The following TUBGCP3 variants were observed in gnomAD, a reference collection of about 807,000 sequenced individuals.
The protein encoded by TUBGCP3 is gamma-tubulin complex component 3.
A neutral mutation model predicts 123.1 loss-of-function variants in TUBGCP3; 50 were observed. The observed-to-expected ratio is 0.41, with a 90% CI of 0.32 to 0.51. The LOEUF (loss-of-function observed/expected upper bound fraction) is 0.51, where lower values mean the gene tolerates loss of function less well. TUBGCP3 is among the 20% of genes least tolerant of loss of function. The pLI, the probability that TUBGCP3 is intolerant of heterozygous loss-of-function variation, is 0.36. For missense variants in TUBGCP3, 882 were observed against 1,127.0 expected (o/e 0.78, Z 3.11); for synonymous variants, 405 against 413.9 (o/e 0.98, Z 0.26).
intron 20 of TUBGCP3, among the ~76,000 whole-genome samples, chr13:112,498,238 G>A (rs1037889718): frequency 6.6e-6 from 1 of 152,148 alleles, no homozygotes; most frequent in Admixed American, 6.6e-5. Flanking sequence ...TTGGGGTACA[G>A]GTTGAGTATC....
upstream of TUBGCP3, among the ~76,000 whole-genome samples, chr13:112,590,562 A>T (rs1167920066): frequency 6.6e-6 from 1 of 152,030 alleles, no homozygotes; most frequent in Non-Finnish European, 1.5e-5. Context: ...GTATTTTCTC[A>T]TGGGTAGAAG....
At position 112,516,494 on chromosome 13, in the gene TUBGCP3, T is replaced by C. The variant is rs368042705; in HGVS notation, c.2032A>G (p.Thr678Ala). 9.9e-6 allele frequency: 16 copies of C among 1,613,750 alleles called. No homozygotes were observed. Among genetic ancestry groups the C allele is most frequent in the African/African-American group, 1.3e-5 (1 of 74,910 alleles). The change falls in exon 17 of 22, where the codon ACT becomes GCT. Residue 678 changes from threonine to alanine, a missense_variant. Transcript: ENST00000261965. Reference protein sequence around the residue: ...WRAKRMEYILTDIRKGHMCNA... With the variant: ...WRAKRMEYILADIRKGHMCNA... The stretch of plus-strand genomic sequence containing the variant: ...CACATGTGTCCCTTCCGTATGTCAG[T>C]GAGGATGTATTCCATCCGCTTCGCC...
At chr13:112,529,652 C>T (rs1008139721) in intron 11 of TUBGCP3, among the ~76,000 whole-genome samples, 2 of 152,166 alleles carry the variant, frequency 1.3e-5, no homozygotes, top group African/African-American at 4.8e-5. Context: ...TCTGTCTCTC[C>T]CAATACCTAG....
rs116524292 is a variant in TUBGCP3, at chr13:112,531,446, G to A, written c.1336-3962C>T. On this transcript the variant is annotated intron_variant, in intron 11 of 21. Coordinates refer to ENST00000261965, the MANE Select transcript of TUBGCP3 (RefSeq NM_006322.6). The stretch of plus-strand genomic sequence containing the variant: ...AAATAAGCCCCCGTTGAGTAATCTC[G>A]GCAGTGACGAAGTCACCGCGCTCAT... 5.7e-3 allele frequency among the ~76,000 whole-genome samples: 870 copies of A among 152,192 alleles called. 7 individuals are homozygous for A. The highest frequency in any genetic ancestry group is 0.02 in the African/African-American group (827 of 41,518).
chr13:112,489,522 G>A, intron 21 of TUBGCP3, 59 bp downstream of exon 21: 1 of 1,213,730 alleles, frequency 8.2e-7, no homozygotes, highest in South Asian at 1.2e-5. Flanking sequence ...GAAAGCAACT[G>A]TCAGGTACAG....
the TUBGCP3 span, among the ~76,000 whole-genome samples, chr13:112,600,477 A>C: frequency 6.6e-6 from 1 of 152,208 alleles, no homozygotes; most frequent in East Asian, 1.9e-4. Flanking sequence ...CAACGGATTG[A>C]AACTTGAACC....
chr13:112,589,967 T>C (rs1387314910), upstream of TUBGCP3, among the ~76,000 whole-genome samples: 1 of 151,990 alleles, frequency 6.6e-6, no homozygotes, highest in Non-Finnish European at 1.5e-5. Flanking sequence ...TACTCATACT[T>C]CCAACTAAGT....
At chr13:112,559,745 C>T (rs1880344142) in intron 3 of TUBGCP3, among the ~76,000 whole-genome samples, 1 of 152,152 alleles carries the variant, frequency 6.6e-6, no homozygotes, top group African/African-American at 2.4e-5. Flanking sequence ...GAGACAAAGC[C>T]ATCATAAAAA....
intron 11 of TUBGCP3, among the ~76,000 whole-genome samples, chr13:112,529,561 T>G (rs2139101386): frequency 6.6e-6 from 1 of 152,286 alleles, no homozygotes; most frequent in Admixed American, 6.5e-5. Context: ...GGGAGCCTCT[T>G]CAAGCCGCTC....
intron 11 of TUBGCP3, among the ~76,000 whole-genome samples, chr13:112,529,730 G>C (rs1336473954): frequency 1.3e-5 from 2 of 152,196 alleles, no homozygotes; most frequent in Non-Finnish European, 2.9e-5. Context: ...CATGACCTCA[G>C]CACTTGGCAG....
At position 112,528,444 on chromosome 13, in the gene TUBGCP3, T is replaced by C. The variant is rs1877309600; in HGVS notation, c.1336-960A>G. 3.9e-5 allele frequency among the ~76,000 whole-genome samples: 6 copies of C among 152,214 alleles called. No homozygotes were observed. The South Asian group carries it at 1.0e-3, about 26-fold the overall frequency. ...GTCAGGTGGAATCATGGTTATCCTATATTGCTGTCATTAACCAAAAATGAA... is the reference window on the plus strand; with the variant it reads ...GTCAGGTGGAATCATGGTTATCCTACATTGCTGTCATTAACCAAAAATGAA... On this transcript the variant is annotated intron_variant, in intron 11 of 21. Transcript: ENST00000261965.
At chr13:112,521,574 C>G (rs1421483445) in intron 14 of TUBGCP3, 14 of 740,282 alleles carry the variant, frequency 1.9e-5, no homozygotes, top group Non-Finnish European at 2.1e-5. Context: ...AACTTGAGGA[C>G]CTGAGGCCTA....
Position 112,559,340 on chromosome 13 carries a change from T to C in TUBGCP3, c.312A>G (p.Pro104=). The change falls in exon 4 of 22, where the codon CCA becomes CCG. Residue 104 remains proline, a synonymous_variant. Coordinates refer to ENST00000261965, the MANE Select transcript of TUBGCP3 (RefSeq NM_006322.6). ...CACTTACCTTGCTTGGCTGCCTGCG[T>C]GGGTCCTCACTGAGGCTCAGCAAGA... ...LYLLLSLSED[P]RRQPSKVSSY... 1 of 1,612,406 alleles carries C rather than the reference T, an allele frequency of 6.2e-7. No homozygotes were observed. Among genetic ancestry groups the C allele is most frequent in the South Asian group, 1.1e-5 (1 of 90,776 alleles).
intron 17 of TUBGCP3, among the ~76,000 whole-genome samples, chr13:112,515,838 A>C (rs545652418): frequency 5.9e-5 from 9 of 152,334 alleles, no homozygotes; most frequent in Admixed American, 1.3e-4. Context: ...GCTGGTAAAG[A>C]AGCAGAGATC....
chr13:112,563,733 G>C (rs1252228936), intron 3 of TUBGCP3, among the ~76,000 whole-genome samples: 1 of 149,638 alleles, frequency 6.7e-6, no homozygotes, highest in Admixed American at 6.7e-5. Flanking sequence ...AAATTAGCCG[G>C]GCGTGTTGGC....
Position 112,490,580 on chromosome 13 carries a change from G to T in TUBGCP3, c.2449-883C>A, listed in dbSNP as rs1880014943. ...ATGATTTAATTCACTTGTCAAATAT[G>T]GTGAATTATATTACTGGATTTCCCA... On this transcript the variant is annotated intron_variant, in intron 20 of 21. Coordinates refer to ENST00000261965, the MANE Select transcript of TUBGCP3 (RefSeq NM_006322.6). Among the ~76,000 whole-genome samples, 3 of 152,158 alleles carry T rather than the reference G, an allele frequency of 2.0e-5. No homozygotes were observed. In the South Asian group the frequency reaches 6.2e-4, roughly 32 times the overall value.
chr13:112,533,618 A>G (rs1465922065), intron 11 of TUBGCP3, among the ~76,000 whole-genome samples: 1 of 152,004 alleles, frequency 6.6e-6, no homozygotes, highest in Non-Finnish European at 1.5e-5. Flanking sequence ...TGTCGTCAAC[A>G]GGAACCACAC....
At position 112,570,174 on chromosome 13, in the gene TUBGCP3, C is replaced by T. The variant is rs1341413021; in HGVS notation, c.77-915G>A. On this transcript the variant is annotated intron_variant, in intron 1 of 21. Transcript: ENST00000261965. ...GTCTGGATGGACACTAGGGTGGCCC[C>T]GGTCACTAAGTAAAGTTAACAGACA... Among the ~76,000 whole-genome samples the T allele has an allele frequency of 4.6e-5, 7 of 151,836 alleles. No individual in the cohort carries two copies. In the South Asian group the frequency reaches 1.3e-3, roughly 27 times the overall value.
intron 17 of TUBGCP3, among the ~76,000 whole-genome samples, chr13:112,510,528 C>T (rs1881610729): frequency 2.6e-5 from 4 of 152,158 alleles, no homozygotes; most frequent in Admixed American, 2.6e-4. Flanking sequence ...CTCTAACCAC[C>T]TTTGAGGATC....
Sources: gnomAD v4.1 joint callset for allele counts (sites outside exome capture counted in the v4.1 genomes callset) on GRCh38, gnomAD v4.1.1 for gene constraint, MANE v1.5 for transcripts, NCBI Gene and HGNC (gene_info 2026-07-23, HGNC 2026-07-21) for gene names.